SCART1: variants seen among roughly 807,000 people sequenced by gnomAD.
The protein encoded by SCART1 is scavenger receptor cysteine-rich domain-containing protein SCART1.
Under a neutral mutation model 36.2 loss-of-function variants are expected in SCART1, and 62 were observed. The observed-to-expected ratio is 1.71, with a 90% CI of 1.40 to 2.12. The LOEUF is 2.12. Ranked by LOEUF, SCART1 falls within the 30% of genes most tolerant of loss-of-function variation. SCART1 has a pLI of 0.00. For synonymous variants in SCART1, 487 were observed against 238.7 expected (o/e 2.04, Z -9.59); for missense variants, 1,041 against 540.5 (o/e 1.93, Z -9.18).
chr10:133,465,201 T>G, intron 8 of SCART1, 27 bp downstream of exon 8: 1 of 702,830 alleles, frequency 1.4e-6, no homozygotes, highest in Non-Finnish European at 2.6e-6. Context: ...GTCGCTGTCC[T>G]CCTTCCCATC....
In SCART1 at chr10:133,456,044, C is replaced by A. The variant is rs887025060; in HGVS notation, c.68-193C>A. Among the ~76,000 whole-genome samples the A allele has an allele frequency of 2.6e-5, 4 of 152,124 alleles. No individual in the cohort carries two copies. The East Asian group carries it at 7.8e-4, about 30-fold the overall frequency. ...CCAGAGGGCCAGGGAGGGGAGTAGC[C>A]CCCGGGGAGACACATGGGGTGAGGG... On this transcript the variant is annotated intron_variant, in intron 1 of 11. Coordinates refer to ENST00000640237, the Ensembl canonical transcript of SCART1.
Position 133,459,481 on chromosome 10 carries a change from C to T in SCART1, c.1286-6C>T, listed in dbSNP as rs1473447567. 1 of 631,648 alleles carries T rather than the reference C, an allele frequency of 1.6e-6. No homozygotes were observed. Among genetic ancestry groups the T allele is most frequent in the East Asian group, 2.8e-5 (1 of 36,080 alleles). 39.1% of individuals were successfully genotyped at this position (631,648 alleles called of 1,614,324 possible). A position where few individuals can be genotyped will look rare whatever the true frequency, so the allele number is the denominator to read the frequency against. ...ATCTTGGGCCCCTGTGCGTCCCCATCCCCAGGTCTGGCCCACGCCCTGCGA... is the reference window on the plus strand; with the variant it reads ...ATCTTGGGCCCCTGTGCGTCCCCATTCCCAGGTCTGGCCCACGCCCTGCGA... On this transcript the variant is annotated splice_region_variant and splice_polypyrimidine_tract_variant and intron_variant, in intron 5 of 11. Coordinates refer to ENST00000640237, the Ensembl canonical transcript of SCART1.
At chr10:133,457,359 G>A in exon 3 of SCART1, 1 of 701,544 alleles carries the variant, frequency 1.4e-6, no homozygotes, top group Non-Finnish European at 2.6e-6. Flanking sequence ...CGTGAATGGG[G>A]TGGACCGCCT....
intron 2 of SCART1, chr10:133,457,027 G>T: frequency 1.8e-6 from 1 of 555,830 alleles, no homozygotes. Flanking sequence ...ACCTGGCCAG[G>T]ACCTCCTACC....
intron 9 of SCART1, 83 bp from the exon 10 acceptor site, chr10:133,466,152 G>A: frequency 3.1e-6 from 2 of 654,950 alleles, no homozygotes; most frequent in Non-Finnish European, 5.5e-6. Context: ...GGGTGTGGCT[G>A]GGCCCTTGGA....
At chr10:133,465,496 G>A (rs1347863185) in exon 9 of SCART1, 2 of 524,814 alleles carry the variant, frequency 3.8e-6, no homozygotes, top group African/African-American at 4.1e-5. Flanking sequence ...GTCCCTGTGG[G>A]GCTGCCCTGC....
intron 4 of SCART1, 22 bp downstream of exon 4, chr10:133,458,678 C>T (rs1418658837): frequency 1.4e-6 from 1 of 700,468 alleles, no homozygotes; most frequent in South Asian, 1.5e-5. Context: ...TGTGTGGGCT[C>T]TGAAGGCTCA....
At chr10:133,467,388 G>T (rs931692520) in intron 11 of SCART1, 35 bp downstream of exon 11, 1 of 683,642 alleles carries the variant, frequency 1.5e-6, no homozygotes, top group African/African-American at 1.8e-5. Context: ...GTGAGCTCTG[G>T]GGTGGGCTAC....
chr10:133,463,477 C>T lies in SCART1; in HGVS notation c.1970-1129C>T, dbSNP rs554454549. On this transcript the variant is annotated intron_variant, in intron 6 of 11. Coordinates refer to ENST00000640237, the Ensembl canonical transcript of SCART1. Reference sequence around the variant, plus strand: ...TCCCCCACCACCTGCCCCTGGTAACCACATTCTATTGTTTTTACGTATTTG... The same window carrying T: ...TCCCCCACCACCTGCCCCTGGTAACTACATTCTATTGTTTTTACGTATTTG... Among the ~76,000 whole-genome samples, 10 of 150,994 alleles carry T rather than the reference C, an allele frequency of 6.6e-5. No homozygotes were observed. The South Asian group carries it at 1.9e-3, about 29-fold the overall frequency.
intron 6 of SCART1, among the ~76,000 whole-genome samples, chr10:133,461,527 T>C (rs1439274027): frequency 6.6e-6 from 1 of 152,214 alleles, no homozygotes; most frequent in Non-Finnish European, 1.5e-5. Context: ...TTCCCTATGC[T>C]TCTGAAATTA....
intron 6 of SCART1, among the ~76,000 whole-genome samples, chr10:133,462,027 C>T (rs1007508124): frequency 6.6e-6 from 1 of 152,242 alleles, no homozygotes; most frequent in Non-Finnish European, 1.5e-5. Context: ...GGGGCTGCCT[C>T]TTTTTCACCT....
At chr10:133,466,082 A>C in intron 9 of SCART1, 153 bp from the exon 10 acceptor site, 1 of 627,932 alleles carries the variant, frequency 1.6e-6, no homozygotes, top group Admixed American at 2.5e-5. Flanking sequence ...TGCTCTGCAC[A>C]GCTGAAACCA....
At chr10:133,458,409 C>A (rs1211689252) in exon 4 of SCART1, 2 of 701,990 alleles carry the variant, frequency 2.8e-6, no homozygotes, top group Admixed American at 4.0e-5. Context: ...GCGCCGGGCG[C>A]CTGGAGGTGA....
At chr10:133,456,837 C>T (rs1028798459) in intron 2 of SCART1, among the ~76,000 whole-genome samples, 15 of 152,146 alleles carry the variant, frequency 9.9e-5, no homozygotes, top group African/African-American at 2.6e-4. Context: ...AGCAGCCGAG[C>T]GGGGGCGGGG....
chr10:133,462,627 G>C (rs1238638929), intron 6 of SCART1, among the ~76,000 whole-genome samples: 2 of 152,218 alleles, frequency 1.3e-5, no homozygotes, highest in Non-Finnish European at 2.9e-5. Flanking sequence ...ATTGCCTTTG[G>C]CTGTGCTCAG....
exon 6 of SCART1, chr10:133,459,625 T>A (rs1449648800): frequency 1.5e-6 from 1 of 676,694 alleles, no homozygotes; most frequent in Non-Finnish European, 2.7e-6. Context: ...TGCCGGCAAC[T>A]CGGGTGCAGA....
chr10:133,457,570 G>T (rs1850635248), exon 3 of SCART1: 2 of 692,476 alleles, frequency 2.9e-6, no homozygotes, highest in Admixed American at 2.1e-5. Context: ...GAGGTGGTCT[G>T]CTCAGGTGAG....
chr10:133,467,300 T>C, exon 11 of SCART1: 1 of 702,988 alleles, frequency 1.4e-6, no homozygotes, highest in Non-Finnish European at 2.6e-6. Context: ...GCCGAGGCTG[T>C]GCTCCAAGAT....
At chr10:133,467,482 G>A in intron 11 of SCART1, 129 bp downstream of exon 11, 1 of 599,064 alleles carries the variant, frequency 1.7e-6, no homozygotes, top group Non-Finnish European at 3.0e-6. Flanking sequence ...AGGGCTCATG[G>A]ATGCAAAGGG....
Sources: allele counts gnomAD v4.1 joint callset (sites outside exome capture counted in the v4.1 genomes callset), GRCh38; gene constraint gnomAD v4.1.1; transcripts MANE v1.5; gene names NCBI Gene and HGNC (gene_info 2026-07-23, HGNC 2026-07-21).